Variants in KHDRBS2 observed in about 807,000 individuals in gnomAD.
KHDRBS2 encodes KH domain-containing, RNA-binding, signal transduction-associated protein 2.
In KHDRBS2, 26 loss-of-function variants were observed where a neutral mutation model predicts 44.3. The observed-to-expected ratio is 0.59, with a 90% CI of 0.43 to 0.81. The LOEUF is 0.81. Among genes scored for constraint, KHDRBS2 ranks in the 40% least tolerant of loss-of-function variants. The probability of loss-of-function intolerance (pLI) is 0.00; values close to 1 mark genes in which losing one functional copy is unlikely to be tolerated. For synonymous variants in KHDRBS2, 194 were observed against 151.1 expected, an observed-to-expected ratio of 1.28 and a Z score of -2.08; for missense variants, 476 against 433.1, an observed-to-expected ratio of 1.10 and a Z score of -0.88.
intron 5 of KHDRBS2, among the ~76,000 whole-genome samples, chr6:61,895,792 T>C (rs1457609097): frequency 1.3e-5 from 2 of 152,168 alleles, no homozygotes; most frequent in African/African-American, 4.8e-5. Context: ...TGATGATCAT[T>C]GAGATGTCAA....
chr6:61,574,900 T>C, the KHDRBS2 span, among the ~76,000 whole-genome samples: 2 of 151,786 alleles, frequency 1.3e-5, no homozygotes, highest in Non-Finnish European at 2.9e-5. Context: ...AAGGGCGAAA[T>C]ACCATCTCAA....
chr6:61,604,181 C>T, the KHDRBS2 span, among the ~76,000 whole-genome samples: 4 of 152,124 alleles, frequency 2.6e-5, no homozygotes, highest in African/African-American at 9.7e-5. Context: ...AAGAAATTAC[C>T]TCACTATACA....
At chr6:62,182,394 T>C (rs1416751578) in intron 1 of KHDRBS2, among the ~76,000 whole-genome samples, 2 of 152,134 alleles carry the variant, frequency 1.3e-5, no homozygotes, top group Middle Eastern at 3.4e-3. Flanking sequence ...CTGTACAACA[T>C]AGTGCCTATA....
At chr6:61,893,309 A>C (rs112110392) in intron 6 of KHDRBS2, among the ~76,000 whole-genome samples, 1 of 152,190 alleles carries the variant, frequency 6.6e-6, no homozygotes, top group African/African-American at 2.4e-5. Flanking sequence ...TGCGACTGTA[A>C]ACTAGTTCAA....
At chr6:62,152,136 A>G (rs1389420460) in intron 2 of KHDRBS2, among the ~76,000 whole-genome samples, 1 of 151,908 alleles carries the variant, frequency 6.6e-6, no homozygotes, top group African/African-American at 2.4e-5. Context: ...TCTGAACAAC[A>G]TGGAGAAACA....
intron 2 of KHDRBS2, among the ~76,000 whole-genome samples, chr6:62,076,455 G>A (rs1481482335): frequency 1.3e-5 from 2 of 151,988 alleles, no homozygotes; most frequent in Non-Finnish European, 2.9e-5. Context: ...AAGAAGTCAA[G>A]GTTCATTAAG....
intron 1 of KHDRBS2, among the ~76,000 whole-genome samples, chr6:62,217,147 T>G (rs1465387532): frequency 1.3e-5 from 2 of 151,700 alleles, no homozygotes; most frequent in African/African-American, 4.8e-5. Flanking sequence ...GAATAATGCA[T>G]GTGCTTAATG....
intron 1 of KHDRBS2, among the ~76,000 whole-genome samples, chr6:62,186,523 G>C (rs149345336): frequency 5.9e-4 from 90 of 152,036 alleles, no homozygotes; most frequent in African/African-American, 1.8e-3. Flanking sequence ...ACTTACATTT[G>C]AATGTGTCCT....
the KHDRBS2 span, among the ~76,000 whole-genome samples, chr6:61,627,048 T>C: frequency 9.2e-5 from 14 of 151,620 alleles, no homozygotes; most frequent in Non-Finnish European, 1.8e-4. Flanking sequence ...GGTCAGGAGA[T>C]CGAGACCATC....
At chr6:62,251,785 C>G (rs1165796524) in intron 1 of KHDRBS2, among the ~76,000 whole-genome samples, 1 of 151,704 alleles carries the variant, frequency 6.6e-6, no homozygotes, top group Non-Finnish European at 1.5e-5. Flanking sequence ...GAAAATCAAC[C>G]AAAAATAGGT....
At chr6:61,836,753 A>AAATTCAAGATGG (rs2308198) in intron 6 of KHDRBS2, among the ~76,000 whole-genome samples, 97,849 of 151,514 alleles carry the variant, frequency 0.65, 32,604 homozygotes, top group African/African-American at 0.82. Context: ...TATTAGGTAG[A>AAATTCAAGATGG]AATATACACA....
At chr6:61,927,605 T>C (rs1461688154) in intron 4 of KHDRBS2, among the ~76,000 whole-genome samples, 1 of 152,058 alleles carries the variant, frequency 6.6e-6, no homozygotes, top group African/African-American at 2.4e-5. Context: ...TTGTCTAAAG[T>C]AAAGAACTGA....
intron 6 of KHDRBS2, among the ~76,000 whole-genome samples, chr6:61,857,377 A>G (rs1796297503): frequency 6.6e-6 from 1 of 152,032 alleles, no homozygotes; most frequent in Admixed American, 6.6e-5. Context: ...CCACTTAACT[A>G]TAACCATGGC....
intron 2 of KHDRBS2, among the ~76,000 whole-genome samples, chr6:62,094,779 G>A (rs915976634): frequency 6.6e-6 from 1 of 151,700 alleles, no homozygotes; most frequent in African/African-American, 2.4e-5. Context: ...TCTGCATGTC[G>A]ATATCCAGTT....
chr6:61,745,333 T>A (rs1268634358), intron 6 of KHDRBS2, among the ~76,000 whole-genome samples: 1 of 152,206 alleles, frequency 6.6e-6, no homozygotes, highest in African/African-American at 2.4e-5. Flanking sequence ...TCCCATTTTT[T>A]AAAATGCTTT....
chr6:61,924,176 G>A (rs773201111), intron 4 of KHDRBS2, among the ~76,000 whole-genome samples: 3 of 151,992 alleles, frequency 2.0e-5, no homozygotes, highest in African/African-American at 4.8e-5. Context: ...AAAAAGAGAC[G>A]TACACTATGT....
intron 6 of KHDRBS2, among the ~76,000 whole-genome samples, chr6:61,822,272 C>T (rs1022118480): frequency 2.5e-4 from 38 of 151,962 alleles, no homozygotes; most frequent in African/African-American, 8.7e-4. Context: ...CTACTGTAGC[C>T]TATCCCAGCA....
chr6:61,574,077 A>G, the KHDRBS2 span, among the ~76,000 whole-genome samples: 1 of 152,152 alleles, frequency 6.6e-6, no homozygotes, highest in African/African-American at 2.4e-5. Context: ...GATAATTAGC[A>G]AGCCATATGT....
chr6:61,707,825 G>A (rs1769840045), intron 7 of KHDRBS2, among the ~76,000 whole-genome samples: 1 of 151,612 alleles, frequency 6.6e-6, no homozygotes, highest in Non-Finnish European at 1.5e-5. Flanking sequence ...AAACAAGTAT[G>A]ATACATCCAG....
Sources: gnomAD v4.1 joint callset for allele counts (sites outside exome capture counted in the v4.1 genomes callset) on GRCh38, gnomAD v4.1.1 for gene constraint, MANE v1.5 for transcripts, NCBI Gene and HGNC (gene_info 2026-07-23, HGNC 2026-07-21) for gene names.